Variants in DDX60 observed in about 807,000 individuals in gnomAD.
DDX60 encodes the protein DExD/H-box helicase 60, also known as probable ATP-dependent RNA helicase DDX60.
Under a neutral mutation model 212.8 loss-of-function variants are expected in DDX60, and 165 were observed. That is an observed-to-expected ratio of 0.78 (90% CI 0.68 to 0.88). DDX60 has a LOEUF of 0.88. Ranked by LOEUF, DDX60 falls within the 40% of genes least tolerant of loss-of-function variation. The pLI is 0.00. For synonymous variants in DDX60, 703 were observed against 685.3 expected (o/e 1.03, Z -0.40); for missense variants, 1,905 against 2,003.9 (o/e 0.95, Z 0.94).
At chr4:168,222,379 A>AT (rs1323558680) in intron 35 of DDX60, among the ~76,000 whole-genome samples, 1 of 152,082 alleles carries the variant, frequency 6.6e-6, no homozygotes, top group East Asian at 1.9e-4. Context: ...ATGTCTGCTC[A>AT]TTTTTTGCAA....
At chr4:168,297,281 GAA>G (rs202124343) in intron 6 of DDX60, among the ~76,000 whole-genome samples, 1,737 of 127,960 alleles carry the variant, frequency 0.014, 122 homozygotes, top group East Asian at 0.11. Flanking sequence ...AAGAAAGAAA[GAA>G]AGAGAGAGAG....
At chr4:168,292,286 C>T (rs1736145726) in intron 7 of DDX60, among the ~76,000 whole-genome samples, 1 of 151,904 alleles carries the variant, frequency 6.6e-6, no homozygotes, top group African/African-American at 2.4e-5. Context: ...CTCAGGTAAC[C>T]CACCTGCCTC....
chr4:168,317,072 A>C (rs1488629299), intron 1 of DDX60, among the ~76,000 whole-genome samples: 1 of 151,170 alleles, frequency 6.6e-6, no homozygotes, highest in Non-Finnish European at 1.5e-5. Context: ...AAAAAAAAAA[A>C]AAAAGAAGAA....
chr4:168,310,942 A>T, intron 3 of DDX60, 56 bp downstream of exon 3: 1 of 1,041,578 alleles, frequency 9.6e-7, no homozygotes, highest in Non-Finnish European at 1.5e-6. Context: ...GGCCAAATAG[A>T]CATACAGGGA....
intron 32 of DDX60, among the ~76,000 whole-genome samples, 164 bp downstream of exon 32, chr4:168,237,122 T>C (rs1435191574): frequency 6.6e-6 from 1 of 151,902 alleles, no homozygotes; most frequent in Admixed American, 6.6e-5. Flanking sequence ...TATCATTTAA[T>C]ATATATTAGT....
chr4:168,257,062 T>C (rs1441383700), intron 25 of DDX60, among the ~76,000 whole-genome samples: 1 of 152,210 alleles, frequency 6.6e-6, no homozygotes, highest in Non-Finnish European at 1.5e-5. Flanking sequence ...TGGTGGCTCA[T>C]GCCTGTAATC....
At chr4:168,303,443 G>A (rs1163579647) in intron 5 of DDX60, among the ~76,000 whole-genome samples, 4 of 152,032 alleles carry the variant, frequency 2.6e-5, no homozygotes, top group African/African-American at 9.7e-5. Context: ...TGAATCCCAG[G>A]GCTATTCCTG....
intron 5 of DDX60, among the ~76,000 whole-genome samples, chr4:168,304,477 G>A (rs59618278): frequency 0.077 from 11,781 of 152,184 alleles, 1,452 homozygotes; most frequent in African/African-American, 0.26. Flanking sequence ...GAGGCAGTCA[G>A]ATTGGTTGAG....
In DDX60 at chr4:168,306,505, A is replaced by G. The variant is rs923864309; in HGVS notation, c.480T>C (p.Phe160=). Residue 160 remains phenylalanine (F), a synonymous_variant, in exon 5 of 38, where the codon TTT becomes TTC. Coordinates refer to ENST00000393743, the MANE Select transcript of DDX60 (RefSeq NM_017631.6). ...TCCTTGCCCAAGAATGAATGATTAA[A>G]AAGTTGAAAAGCTGTGTTTGTAGAT... The part of the protein sequence containing the change: ...LNDLQTQLFN[F]LIIHSWARKV... 6.2e-6 allele frequency: 10 copies of G among 1,614,070 alleles called. No individual in the cohort carries two copies. In the African/African-American group the frequency reaches 6.7e-5, roughly 11 times the overall value.
At chr4:168,305,783 T>C (rs994098069) in intron 5 of DDX60, among the ~76,000 whole-genome samples, 2 of 152,072 alleles carry the variant, frequency 1.3e-5, no homozygotes, top group Non-Finnish European at 2.9e-5. Context: ...CTAAGAACTT[T>C]GAAAATTCTC....
rs1736112556 is a variant in DDX60, at chr4:168,291,738, G to C, written c.1041+10C>G. 1 of 1,563,378 alleles carries C rather than the reference G, an allele frequency of 6.4e-7. No homozygotes were observed. Among genetic ancestry groups the C allele is most frequent in the African/African-American group, 1.4e-5 (1 of 71,920 alleles). On this transcript the variant is annotated intron_variant, in intron 8 of 37. Coordinates refer to ENST00000393743, the MANE Select transcript of DDX60 (RefSeq NM_017631.6). ...CACAAAAATAGTAAACTAATAAAGA[G>C]TACATTTACCATTTGTAATAAAGGC...
At position 168,262,750 on chromosome 4, in the gene DDX60, G is replaced by A; in HGVS notation, c.3077C>T (p.Ser1026Leu). ...RYGFPPDLTL[S>L]PRESIQLYDA... ...ATACAGCTGGATGCTTTCTCGAGGTGAAAGGGTAAGATCAGGAGGGAATCC... is the reference window on the plus strand; with the variant it reads ...ATACAGCTGGATGCTTTCTCGAGGTAAAAGGGTAAGATCAGGAGGGAATCC... Residue 1026 changes from serine to leucine, a missense_variant, in exon 23 of 38, where the codon TCA (serine) becomes TTA (leucine). Transcript: ENST00000393743. 6.2e-7 allele frequency: 1 copy of A among 1,612,310 alleles called. No individual in the cohort carries two copies. Among genetic ancestry groups the A allele is most frequent in the Non-Finnish European group, 8.5e-7 (1 of 1,179,032 alleles).
chr4:168,246,306 A>C, intron 30 of DDX60, 112 bp downstream of exon 30: 3 of 1,236,534 alleles, frequency 2.4e-6, no homozygotes, highest in Non-Finnish European at 3.4e-6. Flanking sequence ...AAAACATTAA[A>C]AGACTGATGA....
At chr4:168,297,370 GAAAGAAAGAAAGAGAAAGAAAGAAAGA>G (rs1736436081) in intron 6 of DDX60, among the ~76,000 whole-genome samples, 1 of 52,814 alleles carries the variant, frequency 1.9e-5, no homozygotes, top group East Asian at 3.4e-4. Context: ...AAGAAAGAAA[GAAAGAAAGAAAGAGAAAGAAAGAAAGA>G]AAGAAAGACA....
chr4:168,234,243 T>C (rs1368727771), intron 33 of DDX60, among the ~76,000 whole-genome samples: 2 of 152,122 alleles, frequency 1.3e-5, no homozygotes, highest in African/African-American at 2.4e-5. Flanking sequence ...TGGTGTGTTA[T>C]CTTTAATCAG....
chr4:168,229,356 C>A (rs538187428), intron 33 of DDX60, among the ~76,000 whole-genome samples: 1 of 152,082 alleles, frequency 6.6e-6, no homozygotes, highest in Non-Finnish European at 1.5e-5. Flanking sequence ...TGGGCACTTT[C>A]GGTCCCCAGA....
chr4:168,304,525 A>T (rs763391212), intron 5 of DDX60, among the ~76,000 whole-genome samples: 19 of 151,944 alleles, frequency 1.3e-4, no homozygotes, highest in Non-Finnish European at 2.5e-4. Flanking sequence ...ACATGGCAAA[A>T]CCTTGTCTCT....
In DDX60 at chr4:168,268,978, CAAAA is replaced by C; in HGVS notation, c.2671-13_2671-10del. 5 of 1,141,694 alleles carry C rather than the reference CAAAA, an allele frequency of 4.4e-6. No homozygotes were observed. Among genetic ancestry groups the C allele is most frequent in the Admixed American group, 2.5e-5 (1 of 39,226 alleles). 70.7% of individuals were successfully genotyped at this position (1,141,694 alleles called of 1,614,324 possible). A position where few individuals can be genotyped will look rare whatever the true frequency, so the allele number is the denominator to read the frequency against. ...CCACCAAGACAATGAACCTATTAAA[CAAAA>C]AAAAAAAAATCTCAACTGAAAAGTT... On this transcript the variant is annotated splice_polypyrimidine_tract_variant and intron_variant, in intron 19 of 37. Coordinates refer to ENST00000393743, the MANE Select transcript of DDX60 (RefSeq NM_017631.6).
At chr4:168,319,703 T>C (rs1329416690), upstream of DDX60, among the ~76,000 whole-genome samples, 5 of 152,204 alleles carry the variant, frequency 3.3e-5, no homozygotes, top group Admixed American at 3.3e-4. Flanking sequence ...ATTAATGCTA[T>C]AAATATGCAT....
Sources: gnomAD v4.1 joint callset for allele counts (sites outside exome capture counted in the v4.1 genomes callset) on GRCh38, gnomAD v4.1.1 for gene constraint, MANE v1.5 for transcripts, NCBI Gene and HGNC (gene_info 2026-07-23, HGNC 2026-07-21) for gene names.